Variants in SAMD12 observed in about 807,000 individuals in gnomAD.
SAMD12 encodes the protein sterile alpha motif domain containing 12.
Under a neutral mutation model 15.0 loss-of-function variants are expected in SAMD12, and 9 were observed. That is an observed-to-expected ratio of 0.60 (90% confidence interval 0.36 to 1.05). SAMD12 has a LOEUF of 1.05. SAMD12 is among the 50% of genes least tolerant of loss of function. The pLI is 0.01. For synonymous variants in SAMD12, 86 were observed against 90.1 expected, an observed-to-expected ratio of 0.96 and a Z score of 0.25; for missense variants, 230 against 234.2, an observed-to-expected ratio of 0.98 and a Z score of 0.12.
chr8:118,319,774 A>G (rs1816135152), intron 4 of SAMD12, among the ~76,000 whole-genome samples: 1 of 152,190 alleles, frequency 6.6e-6, no homozygotes, highest in Non-Finnish European at 1.5e-5. Flanking sequence ...GGCAATAATC[A>G]AAAGATAGAT....
chr8:118,413,789 A>G (rs988564359), intron 3 of SAMD12, among the ~76,000 whole-genome samples: 1 of 152,300 alleles, frequency 6.6e-6, no homozygotes, highest in Non-Finnish European at 1.5e-5. Context: ...AAGAAGCTAT[A>G]GCTCTTGAAA....
intron 3 of SAMD12, among the ~76,000 whole-genome samples, chr8:118,392,327 A>T (rs1285439436): frequency 6.6e-6 from 1 of 152,242 alleles, no homozygotes; most frequent in African/African-American, 2.4e-5. Flanking sequence ...GCTACTCGGG[A>T]GGCCGAGGCA....
chr8:118,570,675 T>C (rs1826985164), intron 2 of SAMD12, among the ~76,000 whole-genome samples: 1 of 152,322 alleles, frequency 6.6e-6, no homozygotes, highest in South Asian at 2.1e-4. Flanking sequence ...AACATACGTG[T>C]ATCTTTATAA....
At chr8:118,489,842 T>C (rs1388737757) in intron 2 of SAMD12, among the ~76,000 whole-genome samples, 1 of 152,200 alleles carries the variant, frequency 6.6e-6, no homozygotes, top group Non-Finnish European at 1.5e-5. Flanking sequence ...TAGCATGATT[T>C]AATTGTTCAA....
chr8:118,481,738 G>GA (rs5894438), intron 2 of SAMD12, among the ~76,000 whole-genome samples: 185 of 146,554 alleles, frequency 1.3e-3, no homozygotes, highest in African/African-American at 3.5e-3. Context: ...TTACCTAAAT[G>GA]AAAAAAAAAA....
At chr8:118,299,694 T>C (rs188929788) in intron 4 of SAMD12, among the ~76,000 whole-genome samples, 13 of 152,268 alleles carry the variant, frequency 8.5e-5, no homozygotes, top group Admixed American at 6.5e-4. Context: ...GAGCAGGCAG[T>C]TGGAAAAGTT....
intron 2 of SAMD12, among the ~76,000 whole-genome samples, chr8:118,522,816 T>C (rs781318431): frequency 1.2e-4 from 19 of 152,300 alleles, no homozygotes; most frequent in Admixed American, 3.3e-4. Context: ...TTGTTGCTCC[T>C]TGGGGCATAA....
chr8:118,414,073 T>C (rs777181088), intron 3 of SAMD12, among the ~76,000 whole-genome samples: 5 of 152,322 alleles, frequency 3.3e-5, no homozygotes, highest in Non-Finnish European at 5.9e-5. Context: ...TTTCCCAACT[T>C]GGAGATTTTG....
rs188428902 is a variant in SAMD12, at chr8:118,276,026, C to A, written c.434-78294G>T. Among the ~76,000 whole-genome samples the A allele has an allele frequency of 1.5e-3, 229 of 152,254 alleles. 1 individual carries two copies. The highest frequency in any genetic ancestry group is 4.5e-3 in the African/African-American group (188 of 41,546). ...TAGTGCTGTGATGAACATGTGAGTG[C>A]ATGTGTATACAAAATAGATTCTTCA... On this transcript the variant is annotated intron_variant, in intron 4 of 4. Coordinates refer to the SAMD12 transcript ENST00000409003.
intron 2 of SAMD12, among the ~76,000 whole-genome samples, chr8:118,534,399 G>A (rs1044493539): frequency 1.3e-5 from 2 of 151,982 alleles, no homozygotes; most frequent in Admixed American, 6.6e-5. Flanking sequence ...TTCAACTTTG[G>A]TGAATCTGAC....
chr8:118,608,718 G>A (rs1402178181), intron 1 of SAMD12, among the ~76,000 whole-genome samples: 1 of 152,050 alleles, frequency 6.6e-6, no homozygotes. Flanking sequence ...TGGCCAGGCT[G>A]GTCTCACACT....
the SAMD12 span, among the ~76,000 whole-genome samples, chr8:118,132,277 G>A: frequency 6.6e-6 from 1 of 152,116 alleles, no homozygotes; most frequent in African/African-American, 2.4e-5. Flanking sequence ...TACATAAAAA[G>A]GAACCCTGTG....
At chr8:118,298,676 G>A (rs1181859933) in intron 4 of SAMD12, among the ~76,000 whole-genome samples, 1 of 152,132 alleles carries the variant, frequency 6.6e-6, no homozygotes, top group Non-Finnish European at 1.5e-5. Flanking sequence ...CAAAGATTTA[G>A]GCATAGAGAT....
At chr8:118,242,291 A>C (rs1485252451) in intron 4 of SAMD12, among the ~76,000 whole-genome samples, 1 of 152,208 alleles carries the variant, frequency 6.6e-6, no homozygotes, top group Non-Finnish European at 1.5e-5. Flanking sequence ...GTTAACACAA[A>C]GATGACAGAT....
At chr8:118,176,231 G>A in the SAMD12 span, among the ~76,000 whole-genome samples, 2 of 152,140 alleles carry the variant, frequency 1.3e-5, no homozygotes, top group African/African-American at 4.8e-5. Flanking sequence ...AACCCGGGAG[G>A]CGGAGGTTGC....
chr8:118,505,730 T>C (rs1301649034), intron 2 of SAMD12, among the ~76,000 whole-genome samples: 1 of 151,746 alleles, frequency 6.6e-6, no homozygotes, highest in Non-Finnish European at 1.5e-5. Context: ...TTAATTGGGT[T>C]TTCTGTAACT....
intron 4 of SAMD12, among the ~76,000 whole-genome samples, chr8:118,372,191 T>C (rs890726157): frequency 6.6e-6 from 1 of 152,198 alleles, no homozygotes; most frequent in African/African-American, 2.4e-5. Context: ...GTTTTCTTTC[T>C]CAGGAGCAAG....
At chr8:118,487,934 T>A (rs749919284) in intron 2 of SAMD12, among the ~76,000 whole-genome samples, 1 of 152,168 alleles carries the variant, frequency 6.6e-6, no homozygotes, top group Non-Finnish European at 1.5e-5. Flanking sequence ...CAGCGATATA[T>A]AATTAATATA....
intron 2 of SAMD12, among the ~76,000 whole-genome samples, chr8:118,537,494 GT>G (rs1586798393): frequency 6.6e-6 from 1 of 151,988 alleles, no homozygotes; most frequent in East Asian, 1.9e-4. Context: ...CTCTGACTGT[GT>G]ATTTTCAAAT....
Sources: gnomAD v4.1 joint callset for allele counts (sites outside exome capture counted in the v4.1 genomes callset) on GRCh38, gnomAD v4.1.1 for gene constraint, MANE v1.5 for transcripts, NCBI Gene and HGNC (gene_info 2026-07-23, HGNC 2026-07-21) for gene names.